Variants in PRKG1 observed in about 807,000 individuals in gnomAD.
PRKG1 encodes the protein cGMP-dependent protein kinase 1.
PRKG1 carries 35 observed loss-of-function variants against 88.1 expected under a neutral mutation model. That is an observed-to-expected ratio of 0.40 (90% confidence interval 0.30 to 0.53). The LOEUF is 0.53. Ranked by LOEUF, PRKG1 falls within the 20% of genes least tolerant of loss-of-function variation. The probability of loss-of-function intolerance (pLI) is 0.59; values close to 1 mark genes in which losing one functional copy is unlikely to be tolerated. For missense variants in PRKG1, 540 were observed against 839.8 expected, an observed-to-expected ratio of 0.64 and a Z score of 4.41; for synonymous variants, 303 against 292.5, an observed-to-expected ratio of 1.04 and a Z score of -0.37.
chr10:51,463,165 A>G (rs1250231399), intron 2 of PRKG1, among the ~76,000 whole-genome samples: 7 of 152,212 alleles, frequency 4.6e-5, no homozygotes, highest in Non-Finnish European at 8.8e-5. Flanking sequence ...AAGTATTAAA[A>G]CAATCATGAA....
intron 2 of PRKG1, among the ~76,000 whole-genome samples, chr10:51,230,544 A>G (rs1185533739): frequency 6.6e-6 from 1 of 152,200 alleles, no homozygotes; most frequent in East Asian, 1.9e-4. Context: ...GGTCCATACT[A>G]AAGAGTTAAA....
intron 9 of PRKG1, among the ~76,000 whole-genome samples, chr10:52,217,392 A>G (rs1840140074): frequency 6.6e-6 from 1 of 151,946 alleles, no homozygotes; most frequent in Non-Finnish European, 1.5e-5. Context: ...ACACACTTAT[A>G]TATGTATAAG....
chr10:51,189,592 C>T (rs1350838983), intron 2 of PRKG1, among the ~76,000 whole-genome samples: 1 of 152,000 alleles, frequency 6.6e-6, no homozygotes, highest in East Asian at 1.9e-4. Context: ...TAATAAACTC[C>T]TGTGTCCCAG....
At chr10:52,178,195 T>G (rs1272826813) in intron 9 of PRKG1, among the ~76,000 whole-genome samples, 1 of 152,080 alleles carries the variant, frequency 6.6e-6, no homozygotes, top group Non-Finnish European at 1.5e-5. Context: ...AGTTTGGTTA[T>G]GTTGCATTTC....
intron 3 of PRKG1, among the ~76,000 whole-genome samples, chr10:51,480,804 A>T (rs529338495): frequency 4.6e-5 from 7 of 152,316 alleles, no homozygotes; most frequent in Admixed American, 2.6e-4. Flanking sequence ...TTCTAAATAA[A>T]TGTGGCCATG....
chr10:51,318,240 A>T (rs1362698831), intron 2 of PRKG1, among the ~76,000 whole-genome samples: 1 of 152,186 alleles, frequency 6.6e-6, no homozygotes, highest in Admixed American at 6.6e-5. Context: ...TTAGCCTGGC[A>T]GTCAAGGTCC....
chr10:51,970,006 AC>A (rs1843666968), intron 5 of PRKG1, among the ~76,000 whole-genome samples: 1 of 2,484 alleles, frequency 4.0e-4, no homozygotes, highest in Admixed American at 6.3e-3. Flanking sequence ...CTTCATACAC[AC>A]ACACACACAC....
intron 7 of PRKG1, chr10:52,062,943 A>T: frequency 1.6e-6 from 1 of 624,656 alleles, no homozygotes; most frequent in East Asian, 2.8e-5. Context: ...AACTTTGTGC[A>T]ATGATTTTAC....
chr10:51,605,619 C>A (rs1447870762), intron 3 of PRKG1, among the ~76,000 whole-genome samples: 3 of 152,200 alleles, frequency 2.0e-5, no homozygotes, highest in Non-Finnish European at 2.9e-5. Flanking sequence ...GAGAGTGTAA[C>A]CATTCCATCT....
intron 3 of PRKG1, among the ~76,000 whole-genome samples, chr10:51,786,900 A>C (rs192068651): frequency 8.8e-4 from 134 of 152,306 alleles, no homozygotes; most frequent in Middle Eastern, 6.8e-3. Flanking sequence ...AGATTTCTAG[A>C]AATATGTCCA....
At chr10:51,076,108 TG>T (rs1363532100) in intron 1 of PRKG1, among the ~76,000 whole-genome samples, 3 of 152,224 alleles carry the variant, frequency 2.0e-5, no homozygotes, top group East Asian at 1.9e-4. Flanking sequence ...ATTTATTGGA[TG>T]TTTTTTGGGG....
At chr10:51,230,595 A>T (rs1291053565) in intron 2 of PRKG1, among the ~76,000 whole-genome samples, 1 of 152,190 alleles carries the variant, frequency 6.6e-6, no homozygotes, top group African/African-American at 2.4e-5. Context: ...AGGTTCCAGG[A>T]CTTCTTACGG....
chr10:51,237,517 G>A (rs1839029296), intron 2 of PRKG1, among the ~76,000 whole-genome samples: 1 of 152,106 alleles, frequency 6.6e-6, no homozygotes, highest in Non-Finnish European at 1.5e-5. Context: ...AGAGAGTATG[G>A]AGCTCACTCC....
At chr10:51,417,033 T>C (rs896082155) in intron 2 of PRKG1, among the ~76,000 whole-genome samples, 8 of 152,226 alleles carry the variant, frequency 5.3e-5, no homozygotes, top group African/African-American at 4.8e-5. Flanking sequence ...ACCCCAGTGA[T>C]TCACCACCAC....
At position 52,191,193 on chromosome 10, in the gene PRKG1, G is replaced by A. The variant is rs190752558; in HGVS notation, c.1076+29230G>A. 1.7e-3 allele frequency among the ~76,000 whole-genome samples: 261 copies of A among 152,136 alleles called. 2 individuals carry two copies. The highest frequency in any genetic ancestry group is 5.8e-3 in the African/African-American group (242 of 41,498). ...TTTGTTGAGACAGTCTCGCTCTGTC[G>A]CCAAGGCTGGAGTGCAGTGTCCTGA... is the stretch of plus-strand genomic sequence containing the variant. On this transcript the variant is annotated intron_variant, in intron 9 of 17. Coordinates refer to ENST00000373980, the MANE Select transcript of PRKG1 (RefSeq NM_006258.4).
At chr10:51,261,846 T>A (rs1419973530) in intron 2 of PRKG1, among the ~76,000 whole-genome samples, 1 of 151,502 alleles carries the variant, frequency 6.6e-6, no homozygotes, top group Non-Finnish European at 1.5e-5. Flanking sequence ...TGTCGGTAGA[T>A]GGAAATTTAA....
intron 2 of PRKG1, among the ~76,000 whole-genome samples, chr10:51,416,315 G>C (rs1356681707): frequency 4.0e-5 from 6 of 151,718 alleles, no homozygotes; most frequent in Admixed American, 3.9e-4. Flanking sequence ...TTTTTCCTTT[G>C]GTCATAGCAG....
At chr10:51,477,287 G>A (rs987537550) in intron 3 of PRKG1, among the ~76,000 whole-genome samples, 1 of 150,056 alleles carries the variant, frequency 6.7e-6, no homozygotes, top group Non-Finnish European at 1.5e-5. Flanking sequence ...TGGAAAGAAA[G>A]GAAAGACAGA....
chr10:51,692,695 T>TA (rs1841175845), intron 3 of PRKG1, among the ~76,000 whole-genome samples: 4 of 152,216 alleles, frequency 2.6e-5, no homozygotes, highest in African/African-American at 9.6e-5. Flanking sequence ...AGGCTGGTCT[T>TA]AAAGTCCTGA....
Sources: allele counts gnomAD v4.1 joint callset (sites outside exome capture counted in the v4.1 genomes callset), GRCh38; gene constraint gnomAD v4.1.1; transcripts MANE v1.5; gene names NCBI Gene and HGNC (gene_info 2026-07-23, HGNC 2026-07-21).